PAK1IP1: variants seen among roughly 807,000 people sequenced by gnomAD.
The protein encoded by PAK1IP1 is PAK1 interacting protein 1, also known as p21-activated protein kinase-interacting protein 1.
PAK1IP1 carries 24 observed loss-of-function variants against 42.0 expected under a neutral mutation model. The ratio of observed to expected loss-of-function variants is 0.57; its 90% CI spans 0.41 to 0.80. The LOEUF (loss-of-function observed/expected upper bound fraction) is 0.80, where lower values mean the gene tolerates loss of function less well. Among genes scored for constraint, PAK1IP1 ranks in the 30% least tolerant of loss-of-function variants. PAK1IP1 has a pLI of 0.00. For synonymous variants in PAK1IP1, 154 were observed against 156.7 expected, an observed-to-expected ratio of 0.98 and a Z score of 0.13; for missense variants, 411 against 467.9, an observed-to-expected ratio of 0.88 and a Z score of 1.12.
rs1209913480 is a variant in PAK1IP1 at position 10,702,409 on chromosome 6, A to C, written c.288A>C (p.Leu96Phe). 2 of 1,613,612 alleles carry C rather than the reference A, an allele frequency of 1.2e-6. No homozygotes were observed. Among genetic ancestry groups the C allele is most frequent in the Non-Finnish European group, 1.7e-6 (2 of 1,179,630 alleles). The change falls in exon 3 of 10, where the codon TTA (leucine) becomes TTC (phenylalanine). Residue 96 changes from leucine (L) to phenylalanine (F), a missense_variant. Leu to Phe is a conservative substitution (Grantham distance 22, BLOSUM62 0). Transcript: ENST00000379568. ...TGAAATTCTATGGCAACAGGCATTTAATCAGTGGAGCGGAAGATGGACTCA... is the reference window on the plus strand; with the variant it reads ...TGAAATTCTATGGCAACAGGCATTTCATCAGTGGAGCGGAAGATGGACTCA... Reference protein sequence around the residue: ...TCLKFYGNRHLISGAEDGLIC... With the variant: ...TCLKFYGNRHFISGAEDGLIC...
chr6:10,691,558 G>A (rs189030261), upstream of PAK1IP1, among the ~76,000 whole-genome samples: 2,441 of 152,114 alleles, frequency 0.016, 52 homozygotes, highest in African/African-American at 0.045. Flanking sequence ...GTGTGGTGCC[G>A]AGCTGTCTGC....
chr6:10,697,890 C>CAA (rs766236291), intron 2 of PAK1IP1, among the ~76,000 whole-genome samples: 6 of 88,506 alleles, frequency 6.8e-5, no homozygotes, highest in African/African-American at 7.3e-5. Context: ...GACTCTGTCT[C>CAA]AAAAAAAAAA....
chr6:10,692,204 A>G (rs115375517), upstream of PAK1IP1, among the ~76,000 whole-genome samples: 877 of 152,312 alleles, frequency 5.8e-3, 8 homozygotes, highest in African/African-American at 0.02. Context: ...GCATTAAAAT[A>G]AACAGATATG....
At chr6:10,695,594 A>T (rs1469688881) in intron 1 of PAK1IP1, among the ~76,000 whole-genome samples, 1 of 152,186 alleles carries the variant, frequency 6.6e-6, no homozygotes, top group African/African-American at 2.4e-5. Context: ...GGGGTGGAGG[A>T]CTGAGGAGAC....
chr6:10,700,142 T>TCTGCCTCCTGGGTTTAAGCGATTCTC (rs1332948106), intron 2 of PAK1IP1, among the ~76,000 whole-genome samples: 5 of 152,142 alleles, frequency 3.3e-5, no homozygotes, highest in Non-Finnish European at 7.3e-5. Context: ...CACTGCAGCT[T>TCTGCCTCCTGGGTTTAAGCGATTCTC]CTGCCTCCTG....
rs1211316676 is a variant in PAK1IP1 at position 10,704,816 on chromosome 6, C to T, written c.712C>T (p.Leu238Phe). 2 of 1,612,294 alleles carry T rather than the reference C, an allele frequency of 1.2e-6. No homozygotes were observed. Among genetic ancestry groups the T allele is most frequent in the Non-Finnish European group, 1.7e-6 (2 of 1,178,508 alleles). Residue 238 changes from leucine to phenylalanine, a missense_variant, in exon 7 of 10, where the codon CTC becomes TTC. Coordinates refer to ENST00000379568, the MANE Select transcript of PAK1IP1 (RefSeq NM_017906.3). ...RFFDCDSLVC[L>F]CEFKAHENRV... ...TTTTGACTGTGATTCACTAGTGTGC[C>T]TCTGCGAATTTAAAGCTCATGAAAA...
At position 10,697,367 on chromosome 6, in the gene PAK1IP1, C is replaced by T; in HGVS notation, c.128C>T (p.Ala43Val). The change falls in exon 2 of 10, where the codon GCC becomes GTC. Residue 43 changes from alanine (A) to valine (V), a missense_variant. Transcript: ENST00000379568. The part of the protein sequence containing the change: ...VADFTHHAHT[A>V]SLSAVAVNSR... The stretch of plus-strand genomic sequence containing the variant: ...GACTTCACTCACCATGCTCACACTG[C>T]CTCCTTGTCAGCAGTAGCTGTAAAT... The T allele has an allele frequency of 3.7e-6, 6 of 1,613,912 alleles. No individual in the cohort carries two copies. Among genetic ancestry groups the T allele is most frequent in the Non-Finnish European group, 5.1e-6 (6 of 1,179,814 alleles).
chr6:10,691,660 T>C (rs932969758), upstream of PAK1IP1, among the ~76,000 whole-genome samples: 2 of 152,064 alleles, frequency 1.3e-5, no homozygotes, highest in Non-Finnish European at 2.9e-5. Flanking sequence ...CTCCCTCCCT[T>C]AAAATCCTAA....
At chr6:10,691,493 A>C (rs1053529313), upstream of PAK1IP1, among the ~76,000 whole-genome samples, 2 of 152,120 alleles carry the variant, frequency 1.3e-5, no homozygotes, top group African/African-American at 4.8e-5. Context: ...CAATGTCTCT[A>C]ATCTACAGAT....
Position 10,695,076 on chromosome 6 carries a change from T to C in PAK1IP1, c.84+7T>C, listed in dbSNP as rs368480648. On this transcript the variant is annotated splice_region_variant and intron_variant, in intron 1 of 9. Transcript: ENST00000379568. ...GGCTTGCGGCGACCACGAGGTGAGA[T>C]ACCGCGTAGTTAGAGACAGTCGGAG... 29 of 1,573,728 alleles carry C rather than the reference T, an allele frequency of 1.8e-5. No individual in the cohort carries two copies. Among genetic ancestry groups the C allele is most frequent in the Non-Finnish European group, 2.5e-5 (29 of 1,154,972 alleles).
In PAK1IP1 at chr6:10,709,370, G is replaced by T; in HGVS notation, c.1097G>T (p.Gly366Val). ...GDSKKATKESGLISTKKRKMV... is the reference protein window; with the variant it reads ...GDSKKATKESVLISTKKRKMV... ...AGTAAGAAAGCAACAAAAGAAAGTGGCCTGATATCAACCAAGAAGAGGAAA... is the reference window on the plus strand; with the variant it reads ...AGTAAGAAAGCAACAAAAGAAAGTGTCCTGATATCAACCAAGAAGAGGAAA... The change falls in exon 10 of 10, where the codon GGC (glycine) becomes GTC (valine). Residue 366 changes from glycine to valine, a missense_variant. Physicochemically the swap from Gly to Val is moderately radical, Grantham distance 109. Transcript: ENST00000379568. 1 of 1,613,888 alleles carries T rather than the reference G, an allele frequency of 6.2e-7. No individual in the cohort carries two copies. Among genetic ancestry groups the T allele is most frequent in the African/African-American group, 1.3e-5 (1 of 75,002 alleles).
chr6:10,696,033 G>A (rs1769824930), intron 1 of PAK1IP1, among the ~76,000 whole-genome samples: 1 of 151,872 alleles, frequency 6.6e-6, no homozygotes, highest in African/African-American at 2.4e-5. Flanking sequence ...GCAACCCTCT[G>A]AGGAGGATGC....
At chr6:10,694,675 G>A (rs1445715279), upstream of PAK1IP1, 10 of 276,170 alleles carry the variant, frequency 3.6e-5, no homozygotes, top group Middle Eastern at 1.2e-3. Flanking sequence ...TGTCCCGCCC[G>A]CTCCCTTCAG....
chr6:10,693,529 A>T (rs978376340), upstream of PAK1IP1, among the ~76,000 whole-genome samples: 1 of 152,238 alleles, frequency 6.6e-6, no homozygotes, highest in African/African-American at 2.4e-5. Flanking sequence ...TATTGGAAAC[A>T]AAAGGGTCTA....
chr6:10,702,824 C>CGCTCTGTCTCCCT (rs1561892904), intron 4 of PAK1IP1, among the ~76,000 whole-genome samples, 185 bp downstream of exon 4: 1 of 151,696 alleles, frequency 6.6e-6, no homozygotes, highest in African/African-American at 2.4e-5. Context: ...GACAGAGTCT[C>CGCTCTGTCTCCCT]GCTCTGTCTC....
In PAK1IP1 at chr6:10,708,525, TG is replaced by T. The variant is rs539408381; in HGVS notation, c.841-427del. 3.7e-3 allele frequency among the ~76,000 whole-genome samples: 570 copies of T among 152,072 alleles called. 3 individuals are homozygous for T. The highest frequency in any genetic ancestry group is 6.6e-3 in the Non-Finnish European group (452 of 68,006). Reference sequence around the variant, plus strand: ...ATATGCAAATTTTTGTGTGGATATATGTTTTTTTTTCTTTTTTTTTATACTT... The same window carrying T: ...ATATGCAAATTTTTGTGTGGATATATTTTTTTTTTCTTTTTTTTTATACTT... On this transcript the variant is annotated intron_variant, in intron 8 of 9. Transcript: ENST00000379568.
At chr6:10,700,944 G>T (rs1181480517) in intron 2 of PAK1IP1, among the ~76,000 whole-genome samples, 2 of 152,096 alleles carry the variant, frequency 1.3e-5, no homozygotes, top group African/African-American at 4.8e-5. Flanking sequence ...ATTAAGCCCA[G>T]CATCCATTAG....
In PAK1IP1 at chr6:10,697,452, G is replaced by C; in HGVS notation, c.213G>C (p.Lys71Asn). Residue 71 changes from lysine (K) to asparagine (N), a missense_variant, in exon 2 of 10, where the codon AAG becomes AAC. By Grantham distance (94) the Lys-to-Asn change is moderately conservative. Transcript: ENST00000379568. ...CAATTCACATTTATGACATGAAAAA[G>C]AAGATTGAGCATGGGGCTCTAGTGC... ...DETIHIYDMK[K>N]KIEHGALVHH... is the part of the protein sequence containing the mutation. 6.2e-7 allele frequency: 1 copy of C among 1,614,042 alleles called. No homozygotes were observed.
intron 7 of PAK1IP1, 29 bp from the exon 8 acceptor site, chr6:10,707,386 C>A: frequency 1.7e-6 from 2 of 1,194,090 alleles, no homozygotes; most frequent in African/African-American, 1.5e-5. Context: ...AGGAAAAGAT[C>A]TTTTATGGTG....
Sources: gnomAD v4.1 joint callset for allele counts (sites outside exome capture counted in the v4.1 genomes callset) on GRCh38, gnomAD v4.1.1 for gene constraint, MANE v1.5 for transcripts, NCBI Gene and HGNC (gene_info 2026-07-23, HGNC 2026-07-21) for gene names.